The following TEP1 variants were observed in gnomAD, a reference collection of about 807,000 sequenced individuals.
The protein encoded by TEP1 is telomerase associated protein 1.
A neutral mutation model predicts 306.3 loss-of-function variants in TEP1; 241 were observed. The ratio of observed to expected loss-of-function variants is 0.79; its 90% CI spans 0.71 to 0.88. The LOEUF is 0.88. TEP1 is among the 40% of genes least tolerant of loss of function. The pLI, the probability that TEP1 is intolerant of heterozygous loss-of-function variation, is 0.00. For missense variants in TEP1, 3,051 were observed against 3,276.1 expected, an observed-to-expected ratio of 0.93 and a Z score of 1.68; for synonymous variants, 1,289 against 1,305.5, an observed-to-expected ratio of 0.99 and a Z score of 0.27.
intron 49 of TEP1, among the ~76,000 whole-genome samples, chr14:20,372,380 A>ATGTGTGTGTGTG (rs59329010): frequency 1.6e-4 from 22 of 139,646 alleles, no homozygotes; most frequent in Non-Finnish European, 3.0e-4. Context: ...GTGTGTGTGT[A>ATGTGTGTGTGTG]TGTGTGTGTG....
In TEP1 at chr14:20,368,859, A is replaced by G; in HGVS notation, c.7700T>C (p.Leu2567Ser). Reference protein sequence around the residue: ...SVTALHVLPELLVTASKDRDV... With the variant: ...SVTALHVLPESLVTASKDRDV... ...TCTGTCCTTCGAAGCTGTCACCAGCAACTCAGGTAGCACATGGAGGGCTGT... is the reference window on the plus strand; with the variant it reads ...TCTGTCCTTCGAAGCTGTCACCAGCGACTCAGGTAGCACATGGAGGGCTGT... The change falls in exon 54 of 55, where the codon TTG (leucine) becomes TCG (serine). Residue 2567 changes from leucine (L) to serine (S), a missense_variant. Transcript: ENST00000262715. 1 of 1,614,054 alleles carries G rather than the reference A, an allele frequency of 6.2e-7. No homozygotes were observed. Among genetic ancestry groups the G allele is most frequent in the South Asian group, 1.1e-5 (1 of 91,064 alleles).
In TEP1 at chr14:20,372,791, C is replaced by T. The variant is rs963067659; in HGVS notation, c.7018G>A (p.Glu2340Lys). ...TTCACTTGCCACTCGCTGATTTTCTCATCAGCACTGAGGACAAAAAAGGTG... is the reference window on the plus strand; with the variant it reads ...TTCACTTGCCACTCGCTGATTTTCTTATCAGCACTGAGGACAAAAAAGGTG... ...AHTFFVLSAD[E>K]KISEWQVKLR... Residue 2340 changes from glutamate (E) to lysine (K), a missense_variant, in exon 49 of 55, where the codon GAG becomes AAG. Glu to Lys is a moderately conservative substitution (Grantham distance 56). Around this residue, in one of 3 missense-constraint regions of TEP1, gnomAD observed 1,540 missense variants for 1,705.9 expected, o/e 0.90. Coordinates refer to ENST00000262715, the MANE Select transcript of TEP1 (RefSeq NM_007110.5). The T allele has an allele frequency of 6.2e-7, 1 of 1,614,170 alleles. No individual in the cohort carries two copies. The highest frequency in any genetic ancestry group is 8.5e-7 in the Non-Finnish European group (1 of 1,180,034).
At position 20,382,285 on chromosome 14, in the gene TEP1, C is replaced by T. The variant is rs765829920; in HGVS notation, c.4212G>A (p.Glu1404=). The T allele has an allele frequency of 6.2e-7, 1 of 1,614,144 alleles. No individual in the cohort carries two copies. Residue 1404 remains glutamate, a synonymous_variant, in exon 29 of 55, where the codon GAG becomes GAA. Transcript: ENST00000262715. ...GAAGGACATCAGGCCCGTGCTCCTTCTCCAGTGTGCTCAGGATGTGCTGCA... is the reference window on the plus strand; with the variant it reads ...GAAGGACATCAGGCCCGTGCTCCTTTTCCAGTGTGCTCAGGATGTGCTGCA... ...LLLQHILSTL[E]KEHGPDVLPQ...
At position 20,373,379 on chromosome 14, in the gene TEP1, C is replaced by T. The variant is rs1225951960; in HGVS notation, c.6705G>A (p.Leu2235=). 3.3e-5 allele frequency: 54 copies of T among 1,614,042 alleles called. No homozygotes were observed. Among genetic ancestry groups the T allele is most frequent in the Non-Finnish European group, 4.5e-5 (53 of 1,180,052 alleles). The change falls in exon 47 of 55, where the codon CTG becomes CTA. Residue 2235 remains leucine, a synonymous_variant. Coordinates refer to ENST00000262715, the MANE Select transcript of TEP1 (RefSeq NM_007110.5). Reference sequence around the variant, plus strand: ...CAGCACGGACTGGGCCGCTGTGTCCCAGGAGGGTGTGGGTTTGGCACACCT... The same window carrying T: ...CAGCACGGACTGGGCCGCTGTGTCCTAGGAGGGTGTGGGTTTGGCACACCT... ...PLLVCQTHTL[L]GHSGPVRAAA... is the part of the protein sequence containing the mutation.
chr14:20,376,757 G>A (rs1195145075), intron 41 of TEP1, among the ~76,000 whole-genome samples: 1 of 152,234 alleles, frequency 6.6e-6, no homozygotes, highest in Non-Finnish European at 1.5e-5. Context: ...GAGGTTAGAG[G>A]TCCCAGAATG....
rs773714772 is a variant in TEP1, at chr14:20,378,082, G to A, written c.5663C>T (p.Ala1888Val). The A allele has an allele frequency of 1.7e-5, 27 of 1,613,722 alleles. No individual in the cohort carries two copies. The highest frequency in any genetic ancestry group is 3.3e-5 in the Admixed American group (2 of 59,994). ...ACCCGCATGCAGGAAAAGCGCAGCA[G>A]CAACAAAGCCATGGTGGGCAGGGAA... ...AAFPAHHGFVAAALFLHAGCQ... is the reference protein window; with the variant it reads ...AAFPAHHGFVVAALFLHAGCQ... Residue 1888 changes from alanine (A) to valine (V), a missense_variant, in exon 39 of 55, where the codon GCT (alanine) becomes GTT (valine). Coordinates refer to ENST00000262715, the MANE Select transcript of TEP1 (RefSeq NM_007110.5).
chr14:20,380,634 C>G (rs1252492775), intron 33 of TEP1, among the ~76,000 whole-genome samples, 159 bp from the exon 34 acceptor site: 1 of 152,124 alleles, frequency 6.6e-6, no homozygotes, highest in South Asian at 2.1e-4. Flanking sequence ...GCTTTGAGCC[C>G]CACTCCAAAC....
chr14:20,378,317 G>C (rs111273734), intron 38 of TEP1, 63 bp downstream of exon 38: 1 of 1,611,262 alleles, frequency 6.2e-7, no homozygotes, highest in African/African-American at 1.3e-5. Flanking sequence ...GCTGTCTGTC[G>C]TCTGCCACCC....
At chr14:20,388,788 C>T (rs1472282544) in intron 17 of TEP1, among the ~76,000 whole-genome samples, 1 of 152,142 alleles carries the variant, frequency 6.6e-6, no homozygotes, top group Non-Finnish European at 1.5e-5. Context: ...GCCTGGGTCC[C>T]TGTGACACTG....
At chr14:20,393,666 C>A (rs892340382) in intron 12 of TEP1, among the ~76,000 whole-genome samples, 1 of 152,104 alleles carries the variant, frequency 6.6e-6, no homozygotes, top group East Asian at 1.9e-4. Context: ...GTGGTATGCA[C>A]CTGTAATCCC....
At chr14:20,371,123 C>T in intron 51 of TEP1, 95 bp downstream of exon 51, 1 of 1,066,728 alleles carries the variant, frequency 9.4e-7, no homozygotes, top group Admixed American at 1.9e-5. Flanking sequence ...AGCCAACTGC[C>T]TTTCCCTTCC....
chr14:20,404,827 G>T (rs565362016), intron 4 of TEP1, 55 bp from the exon 5 acceptor site: 27 of 1,537,084 alleles, frequency 1.8e-5, no homozygotes, highest in Non-Finnish European at 2.2e-5. Context: ...GTAGCTTTCT[G>T]CCCTGAAATT....
intron 1 of TEP1, among the ~76,000 whole-genome samples, chr14:20,411,877 C>T (rs923034753): frequency 9.2e-5 from 14 of 151,732 alleles, no homozygotes; most frequent in Admixed American, 3.3e-4. Flanking sequence ...TTTTGGGAGG[C>T]TGAGGTGGGA....
chr14:20,400,968 G>C lies in TEP1; in HGVS notation c.1549+16C>G. On this transcript the variant is annotated intron_variant, in intron 9 of 54. Transcript: ENST00000262715. ...GGGAAGAGAAGGAGGGAATGTGATG[G>C]TCAAGGTCACTCTACCAATGAGTTC... The C allele has an allele frequency of 6.2e-7, 1 of 1,613,184 alleles. No homozygotes were observed. The highest frequency in any genetic ancestry group is 8.5e-7 in the Non-Finnish European group (1 of 1,179,528).
Position 20,376,127 on chromosome 14 carries a change from G to A in TEP1, c.6226C>T (p.Leu2076=), listed in dbSNP as rs776397344. Residue 2076 remains leucine (L), a synonymous_variant, in exon 42 of 55, where the codon CTG becomes TTG. Transcript: ENST00000262715. ...CCSFSTDGGS[L]ATGGRDRSLL... is the part of the protein sequence containing the mutation. ...ACCCGATCCCGGCCCCCGGTGGCCA[G>A]GCTGCCTCCATCAGTGCTGAAACTA... The A allele has an allele frequency of 3.7e-6, 6 of 1,614,148 alleles. No homozygotes were observed. The highest frequency in any genetic ancestry group is 5.1e-6 in the Non-Finnish European group (6 of 1,180,026).
chr14:20,398,506 TA>T (rs35081660), intron 9 of TEP1, among the ~76,000 whole-genome samples: 305 of 144,292 alleles, frequency 2.1e-3, no homozygotes, highest in Middle Eastern at 3.6e-3. Flanking sequence ...AAACCAAAAT[TA>T]AAAAAAAAAA....
At chr14:20,401,874 CTTTG>C (rs1173410781) in intron 7 of TEP1, among the ~76,000 whole-genome samples, 1 of 152,094 alleles carries the variant, frequency 6.6e-6, no homozygotes. Flanking sequence ...CACAGGACAG[CTTTG>C]TTTGTAGAGG....
At position 20,383,169 on chromosome 14, in the gene TEP1, C is replaced by A; in HGVS notation, c.4047+5G>T. 6.3e-7 allele frequency: 1 copy of A among 1,590,648 alleles called. No individual in the cohort carries two copies. Among genetic ancestry groups the A allele is most frequent in the South Asian group, 1.1e-5 (1 of 87,298 alleles). ...ACACCCACCGGCCCCGGCCTAGAAC[C>A]CAACCTGGTTGTTAAATGGTGACTC... On this transcript the variant is annotated splice_donor_5th_base_variant and intron_variant, in intron 27 of 54. Coordinates refer to ENST00000262715, the MANE Select transcript of TEP1 (RefSeq NM_007110.5).
At position 20,409,749 on chromosome 14, in the gene TEP1, G is replaced by A. The variant is rs145411510; in HGVS notation, c.-24-1286C>T. 1.7e-4 allele frequency among the ~76,000 whole-genome samples: 26 copies of A among 152,074 alleles called. 1 individual carries two copies. The highest frequency in any genetic ancestry group is 8.3e-4 in the South Asian group (4 of 4,820). ...ATTAAGAAAAATGCTGGCCGGGCGC[G>A]GTGGCTCACGCCTGTAATCCCAGCA... is the stretch of plus-strand genomic sequence containing the variant. On this transcript the variant is annotated intron_variant, in intron 1 of 54. Coordinates refer to ENST00000262715, the MANE Select transcript of TEP1 (RefSeq NM_007110.5).
Sources: gnomAD v4.1 joint callset for allele counts (sites outside exome capture counted in the v4.1 genomes callset) on GRCh38, gnomAD v4.1.1 for gene constraint, gnomAD v4.1.1 regional missense constraint, MANE v1.5 for transcripts, NCBI Gene and HGNC (gene_info 2026-07-23, HGNC 2026-07-21) for gene names.